TNNI3K: variants seen among roughly 807,000 people sequenced by gnomAD.
TNNI3K encodes the protein TNNI3 interacting kinase.
A neutral mutation model predicts 114.5 loss-of-function variants in TNNI3K; 140 were observed. That is an observed-to-expected ratio of 1.22 (90% confidence interval 1.07 to 1.41). The LOEUF (loss-of-function observed/expected upper bound fraction) is 1.41, where lower values mean the gene tolerates loss of function less well. Among genes scored for constraint, TNNI3K ranks in the 40% most tolerant of loss-of-function variants. TNNI3K has a pLI of 0.00. For missense variants in TNNI3K, 1,125 were observed against 1,007.6 expected (o/e 1.12, Z -1.58); for synonymous variants, 347 against 347.5 (o/e 1.00, Z 0.02).
At chr1:74,527,655 G>T (rs1646520602) in intron 23 of TNNI3K, among the ~76,000 whole-genome samples, 1 of 152,226 alleles carries the variant, frequency 6.6e-6, no homozygotes, top group Non-Finnish European at 1.5e-5. Context: ...CAGGGTGTTA[G>T]GGTGTTGATC....
At chr1:74,335,572 C>T (rs943599266) in intron 6 of TNNI3K, among the ~76,000 whole-genome samples, 1 of 152,140 alleles carries the variant, frequency 6.6e-6, no homozygotes, top group Non-Finnish European at 1.5e-5. Flanking sequence ...TAAATCTTTC[C>T]CCTTGCCCAG....
At chr1:74,332,874 T>G (rs1660277566) in intron 6 of TNNI3K, among the ~76,000 whole-genome samples, 1 of 148,098 alleles carries the variant, frequency 6.8e-6, no homozygotes, top group Non-Finnish European at 1.5e-5. Context: ...TTTTCAACCT[T>G]AACATATCAA....
intron 5 of TNNI3K, among the ~76,000 whole-genome samples, chr1:74,292,075 A>C (rs1290737539): frequency 6.6e-6 from 1 of 151,452 alleles, no homozygotes; most frequent in African/African-American, 2.4e-5. Flanking sequence ...ATTTTCTACC[A>C]ATAGTGGCAT....
intron 11 of TNNI3K, among the ~76,000 whole-genome samples, chr1:74,362,748 A>T (rs964029777): frequency 2.6e-5 from 4 of 152,156 alleles, no homozygotes; most frequent in Admixed American, 6.6e-5. Flanking sequence ...AGCAAAGAGG[A>T]TTTAACAGGG....
At chr1:74,296,133 G>A (rs921913747) in intron 5 of TNNI3K, among the ~76,000 whole-genome samples, 2 of 151,916 alleles carry the variant, frequency 1.3e-5, no homozygotes, top group East Asian at 1.9e-4. Context: ...AAAATTAGCC[G>A]GGCGAGGCGG....
At chr1:74,463,049 C>G (rs770126671) in intron 20 of TNNI3K, among the ~76,000 whole-genome samples, 7 of 152,186 alleles carry the variant, frequency 4.6e-5, no homozygotes, top group Non-Finnish European at 1.0e-4. Flanking sequence ...TCCATGTTTA[C>G]TACATACAAT....
chr1:74,523,201 G>A (rs991140344), intron 23 of TNNI3K, among the ~76,000 whole-genome samples: 18 of 152,142 alleles, frequency 1.2e-4, no homozygotes, highest in Non-Finnish European at 2.4e-4. Context: ...CACAGTTGCT[G>A]GGAAGATTAA....
chr1:74,245,424 C>T (rs577489235), intron 2 of TNNI3K, among the ~76,000 whole-genome samples: 10 of 152,264 alleles, frequency 6.6e-5, no homozygotes, highest in South Asian at 2.1e-4. Context: ...CTAAAATTCT[C>T]GACCTCTTGA....
At chr1:74,514,118 C>A (rs1382841092) in intron 23 of TNNI3K, among the ~76,000 whole-genome samples, 1 of 152,168 alleles carries the variant, frequency 6.6e-6, no homozygotes, top group Non-Finnish European at 1.5e-5. Context: ...AAAATAGAAG[C>A]TTCCTTTATG....
intron 5 of TNNI3K, among the ~76,000 whole-genome samples, chr1:74,302,227 C>T (rs546770694): frequency 6.6e-6 from 1 of 152,172 alleles, no homozygotes; most frequent in Admixed American, 6.5e-5. Flanking sequence ...CCAGACAAAA[C>T]GGTGAACTTA....
intron 5 of TNNI3K, among the ~76,000 whole-genome samples, chr1:74,279,413 T>C (rs1161277363): frequency 2.6e-5 from 4 of 152,224 alleles, no homozygotes; most frequent in Non-Finnish European, 5.9e-5. Flanking sequence ...ATTAGCAATA[T>C]AGTATAACCA....
rs142694240 is a variant in TNNI3K at position 74,471,179 on chromosome 1, G to A, written c.2121+7629G>A. The A allele has an allele frequency of 2.6e-4, 105 of 400,670 alleles. 1 individual carries two copies. The highest frequency in any genetic ancestry group is 2.5e-3 in the Middle Eastern group (8 of 3,220). 24.8% of individuals were successfully genotyped at this position (400,670 alleles called of 1,614,324 possible). ...TCTATAGAGCTCTGGTTGACTACAC[G>A]CAAGTTGTTAGCACTGAGCAGGGGG... On this transcript the variant is annotated intron_variant, in intron 21 of 24. Coordinates refer to ENST00000326637, the MANE Select transcript of TNNI3K (RefSeq NM_015978.3).
intron 21 of TNNI3K, among the ~76,000 whole-genome samples, chr1:74,474,021 T>C (rs1044178515): frequency 3.3e-5 from 5 of 152,172 alleles, no homozygotes; most frequent in African/African-American, 1.2e-4. Flanking sequence ...CTGCCCTCTC[T>C]AGTTCTGGTA....
intron 4 of TNNI3K, among the ~76,000 whole-genome samples, chr1:74,265,636 C>G (rs1359463613): frequency 6.6e-6 from 1 of 151,870 alleles, no homozygotes; most frequent in Non-Finnish European, 1.5e-5. Flanking sequence ...AGAATTAGAT[C>G]AATAGTGTAC....
chr1:74,455,508 A>T (rs1007243005), intron 20 of TNNI3K, among the ~76,000 whole-genome samples: 2 of 152,226 alleles, frequency 1.3e-5, no homozygotes, highest in South Asian at 4.1e-4. Context: ...ATATCTATTT[A>T]TATGTGTAAG....
At chr1:74,277,815 C>T (rs1246374666) in intron 5 of TNNI3K, among the ~76,000 whole-genome samples, 2 of 152,160 alleles carry the variant, frequency 1.3e-5, no homozygotes, top group Non-Finnish European at 2.9e-5. Flanking sequence ...CTTTCATATA[C>T]ACCTTGTGAA....
chr1:74,353,172 C>T (rs1661466520), intron 9 of TNNI3K, 94 bp from the exon 10 acceptor site: 1 of 1,279,526 alleles, frequency 7.8e-7, no homozygotes, highest in African/African-American at 1.5e-5. Flanking sequence ...GTTATAACTT[C>T]AGCATATGAT....
intron 20 of TNNI3K, among the ~76,000 whole-genome samples, chr1:74,454,922 A>T (rs1035436885): frequency 1.1e-4 from 17 of 152,284 alleles, no homozygotes; most frequent in Middle Eastern, 3.4e-3. Context: ...GACCTACTTC[A>T]AAAGGTTAGA....
At chr1:74,516,719 C>A (rs1646353402) in intron 23 of TNNI3K, among the ~76,000 whole-genome samples, 1 of 152,134 alleles carries the variant, frequency 6.6e-6, no homozygotes, top group South Asian at 2.1e-4. Context: ...TGTATATTCC[C>A]CATCACTAAT....
Sources: gnomAD v4.1 joint callset for allele counts (sites outside exome capture counted in the v4.1 genomes callset) on GRCh38, gnomAD v4.1.1 for gene constraint, MANE v1.5 for transcripts, NCBI Gene and HGNC (gene_info 2026-07-23, HGNC 2026-07-21) for gene names.